The following SCUBE1 variants were observed in gnomAD, a reference collection of about 807,000 sequenced individuals.
SCUBE1 encodes signal peptide, CUB and EGF-like domain-containing protein 1.
SCUBE1 carries 59 observed loss-of-function variants against 124.4 expected under a neutral mutation model. The observed-to-expected ratio is 0.47, with a 90% CI of 0.38 to 0.59. The LOEUF is 0.59. Among genes scored for constraint, SCUBE1 ranks in the 20% least tolerant of loss-of-function variants. SCUBE1 has a pLI of 0.00. For missense variants in SCUBE1, 1,150 were observed against 1,371.2 expected, an observed-to-expected ratio of 0.84 and a Z score of 2.55; for synonymous variants, 545 against 550.9, an observed-to-expected ratio of 0.99 and a Z score of 0.15.
At chr22:43,322,045 C>A (rs1601890090) in intron 2 of SCUBE1, among the ~76,000 whole-genome samples, 1 of 151,914 alleles carries the variant, frequency 6.6e-6, no homozygotes, top group Admixed American at 6.6e-5. Flanking sequence ...AGTGCAATGG[C>A]GCGATCTCAG....
At chr22:43,244,933 T>C (rs927179599) in intron 6 of SCUBE1, among the ~76,000 whole-genome samples, 4 of 152,254 alleles carry the variant, frequency 2.6e-5, no homozygotes, top group Non-Finnish European at 5.9e-5. Flanking sequence ...CCTGCCCTTC[T>C]GTCCCTAGAA....
Position 43,204,004 on chromosome 22 carries a change from T to A in SCUBE1, c.2960A>T (p.Tyr987Phe). 2 of 1,613,988 alleles carry A rather than the reference T, an allele frequency of 1.2e-6. No individual in the cohort carries two copies. The highest frequency in any genetic ancestry group is 1.3e-5 in the African/African-American group (1 of 75,032). The part of the protein sequence containing the change: ...RSKVSRFLRP[Y>F]K ...CAGGGCCGCTCCCCCCGGTTATTTGTAGGGCCGCAGGAACCGAGACACTTT... is the reference window on the plus strand; with the variant it reads ...CAGGGCCGCTCCCCCCGGTTATTTGAAGGGCCGCAGGAACCGAGACACTTT... The change falls in exon 22 of 22, where the codon TAC becomes TTC. Residue 987 changes from tyrosine (Y) to phenylalanine (F), a missense_variant. Physicochemically the swap from Tyr to Phe is conservative, Grantham distance 22 (BLOSUM62 3). This residue lies in a region of SCUBE1 where 757 missense variants were observed against 840.9 expected (regional missense o/e 0.90). Coordinates refer to ENST00000360835, the MANE Select transcript of SCUBE1 (RefSeq NM_173050.5).
At chr22:43,259,387 T>G (rs1157912201) in intron 5 of SCUBE1, among the ~76,000 whole-genome samples, 2 of 152,192 alleles carry the variant, frequency 1.3e-5, no homozygotes, top group African/African-American at 4.8e-5. Context: ...TGATCAAATA[T>G]GCAAAAATAA....
At chr22:43,299,358 C>T (rs114080003) in intron 3 of SCUBE1, among the ~76,000 whole-genome samples, 2,747 of 152,264 alleles carry the variant, frequency 0.018, 94 homozygotes, top group African/African-American at 0.064. Context: ...GCAAAAGCAA[C>T]AACAAACCAC....
At position 43,211,126 on chromosome 22, in the gene SCUBE1, C is replaced by A; in HGVS notation, c.2222-43G>T. ...GCAGTGTGGTGGGTGTGGAGGGGTGCAGGGAAAGGGCAGCACTGGGGTGCT... is the reference window on the plus strand; with the variant it reads ...GCAGTGTGGTGGGTGTGGAGGGGTGAAGGGAAAGGGCAGCACTGGGGTGCT... On this transcript the variant is annotated intron_variant, in intron 17 of 21. Transcript: ENST00000360835. The surrounding 1 kb of genome is among the most constrained non-coding windows in gnomAD (Gnocchi z 4.5). 1 of 1,569,334 alleles carries A rather than the reference C, an allele frequency of 6.4e-7. No homozygotes were observed. The highest frequency in any genetic ancestry group is 8.7e-7 in the Non-Finnish European group (1 of 1,154,948).
At chr22:43,262,695 G>T in intron 5 of SCUBE1, 25 bp downstream of exon 5, 1 of 1,611,598 alleles carries the variant, frequency 6.2e-7, no homozygotes, top group South Asian at 1.1e-5. Flanking sequence ...CGGGACGTTT[G>T]ACCCATTTGT....
intron 4 of SCUBE1, among the ~76,000 whole-genome samples, chr22:43,286,841 T>A (rs1414895444): frequency 6.6e-6 from 1 of 152,214 alleles, no homozygotes; most frequent in Non-Finnish European, 1.5e-5. Context: ...CTAGTAAGAC[T>A]GAGGCCTTCC....
At chr22:43,220,674 C>G (rs1276502850) in intron 13 of SCUBE1, 87 bp from the exon 14 acceptor site, 1 of 1,505,838 alleles carries the variant, frequency 6.6e-7, no homozygotes, top group Non-Finnish European at 9.0e-7. Context: ...GTGCCATTGG[C>G]AAGGACTTCC....
At chr22:43,268,048 C>CG (rs1274341561) in intron 4 of SCUBE1, among the ~76,000 whole-genome samples, 3 of 152,206 alleles carry the variant, frequency 2.0e-5, no homozygotes, top group African/African-American at 7.2e-5. Context: ...AAGGACCCCC[C>CG]GGGCCTCCTC....
intron 7 of SCUBE1, among the ~76,000 whole-genome samples, chr22:43,235,048 G>A (rs1922701590): frequency 1.3e-5 from 2 of 152,224 alleles, no homozygotes; most frequent in African/African-American, 4.8e-5. Context: ...AATGCCTTTG[G>A]GGGCATGAGA....
chr22:43,293,818 C>T (rs1198780298), intron 3 of SCUBE1, among the ~76,000 whole-genome samples: 1 of 152,240 alleles, frequency 6.6e-6, no homozygotes, highest in Admixed American at 6.5e-5. Context: ...ACCAAACAGA[C>T]ACAGACTCTC....
At chr22:43,272,093 G>T (rs1924315406) in intron 4 of SCUBE1, among the ~76,000 whole-genome samples, 1 of 152,124 alleles carries the variant, frequency 6.6e-6, no homozygotes, top group Admixed American at 6.5e-5. Flanking sequence ...GTACCCACTT[G>T]GCAGCCTGGA....
rs76669410 is a variant in SCUBE1 at position 43,293,130 on chromosome 22, C to T, written c.350-1950G>A. 3.7e-3 allele frequency among the ~76,000 whole-genome samples: 568 copies of T among 152,352 alleles called. 6 individuals carry two copies. The highest frequency in any genetic ancestry group is 0.013 in the African/African-American group (545 of 41,580). On this transcript the variant is annotated intron_variant, in intron 3 of 21. Transcript: ENST00000360835. Reference sequence around the variant, plus strand: ...GCCTCCCTCCCCTCCAAGCCTCAGCCATGTCTGCCCCTGGGGTCTGTCTCC... The same window carrying T: ...GCCTCCCTCCCCTCCAAGCCTCAGCTATGTCTGCCCCTGGGGTCTGTCTCC...
chr22:43,212,965 CCG>C (rs1335557613), intron 16 of SCUBE1, among the ~76,000 whole-genome samples: 5 of 152,258 alleles, frequency 3.3e-5, no homozygotes, highest in Non-Finnish European at 7.4e-5. Flanking sequence ...ACCGGGGTCT[CCG>C]CAGAAGGAGC....
intron 3 of SCUBE1, among the ~76,000 whole-genome samples, chr22:43,309,883 G>A (rs1406172685): frequency 6.6e-6 from 1 of 152,012 alleles, no homozygotes; most frequent in African/African-American, 2.4e-5. Context: ...TGAGTTCAAC[G>A]ACCACTTCTC....
chr22:43,261,386 G>T (rs1306306869), intron 5 of SCUBE1, among the ~76,000 whole-genome samples: 1 of 152,214 alleles, frequency 6.6e-6, no homozygotes, highest in Non-Finnish European at 1.5e-5. Flanking sequence ...GAGAAAGGTG[G>T]TCCGCCTCTT....
chr22:43,313,969 T>C (rs1224117657), intron 3 of SCUBE1, among the ~76,000 whole-genome samples: 1 of 152,204 alleles, frequency 6.6e-6, no homozygotes, highest in African/African-American at 2.4e-5. Context: ...AATTCAGTGG[T>C]GGTTCAGAGA....
intron 4 of SCUBE1, among the ~76,000 whole-genome samples, chr22:43,264,653 C>T (rs1261200869): frequency 6.6e-6 from 1 of 152,170 alleles, no homozygotes; most frequent in Non-Finnish European, 1.5e-5. Flanking sequence ...TCCAGGGTCG[C>T]CCCCTTCATC....
In SCUBE1 at chr22:43,210,137, C is replaced by T. The variant is rs5759217; in HGVS notation, c.2487G>A (p.Ala829=). 1,125,830 of 1,611,860 alleles carry T rather than the reference C, an allele frequency of 0.7. 396,938 individuals carry two copies. The highest frequency in any genetic ancestry group is 0.92 in the East Asian group (41,007 of 44,770). ...PANAECVWHI[A]PPPKRRILIV... Reference sequence around the variant, plus strand: ...TGAGGATCCTGCGCTTTGGGGGAGGCGCGATGTGCCAGACGCATTCAGCGT... The same window carrying T: ...TGAGGATCCTGCGCTTTGGGGGAGGTGCGATGTGCCAGACGCATTCAGCGT... Residue 829 remains alanine, a synonymous_variant, in exon 19 of 22, where the codon GCG becomes GCA. Coordinates refer to ENST00000360835, the MANE Select transcript of SCUBE1 (RefSeq NM_173050.5). The surrounding 1 kb of genome is among the most constrained non-coding windows in gnomAD (Gnocchi z 4.5).
Sources: gnomAD v4.1 joint callset for allele counts (sites outside exome capture counted in the v4.1 genomes callset) on GRCh38, gnomAD v4.1.1 for gene constraint, gnomAD v4.1.1 regional missense constraint, Gnocchi (gnomAD v3.1) non-coding constraint, MANE v1.5 for transcripts, NCBI Gene and HGNC (gene_info 2026-07-23, HGNC 2026-07-21) for gene names.